The following PRKCQ variants were observed in gnomAD, a reference collection of about 807,000 sequenced individuals.
PRKCQ encodes protein kinase C theta.
A neutral mutation model predicts 91.2 loss-of-function variants in PRKCQ; 41 were observed. That is an observed-to-expected ratio of 0.45 (90% CI 0.35 to 0.58). PRKCQ has a LOEUF of 0.58. Among genes scored for constraint, PRKCQ ranks in the 20% least tolerant of loss-of-function variants. PRKCQ has a pLI of 0.00. For synonymous variants in PRKCQ, 307 were observed against 316.9 expected, an observed-to-expected ratio of 0.97 and a Z score of 0.33; for missense variants, 673 against 896.5, an observed-to-expected ratio of 0.75 and a Z score of 3.18.
intron 1 of PRKCQ, among the ~76,000 whole-genome samples, chr10:6,549,624 CTTT>C (rs753280727): frequency 1.7e-4 from 21 of 124,376 alleles, no homozygotes; most frequent in South Asian, 2.7e-4. Context: ...TAAAATTCAT[CTTT>C]TTTTTTTTTT....
At chr10:6,527,444 G>T (rs952314189) in intron 1 of PRKCQ, among the ~76,000 whole-genome samples, 1 of 152,114 alleles carries the variant, frequency 6.6e-6, no homozygotes, top group East Asian at 1.9e-4. Flanking sequence ...TTATGAGAAG[G>T]CTCATATTTT....
Position 6,465,600 on chromosome 10 carries a change from A to AC in PRKCQ, c.1354-1197_1354-1196insG, listed in dbSNP as rs1835609716. ...GCGTCTGGGCATGAATTTGCATCTG[A>AC]AAGTCTCACCTGGGTGGTTTCTTAA... is the stretch of plus-strand genomic sequence containing the variant. On this transcript the variant is annotated intron_variant, in intron 12 of 17. Transcript: ENST00000263125. This position sits in a 1 kb window ranked among gnomAD's most constrained non-coding sequence, Gnocchi z 4.4. Among the ~76,000 whole-genome samples the AC allele has an allele frequency of 6.6e-6, 1 of 152,262 alleles. No homozygotes were observed. Among genetic ancestry groups the AC allele is most frequent in the African/African-American group, 2.4e-5 (1 of 41,470 alleles).
intron 4 of PRKCQ, among the ~76,000 whole-genome samples, chr10:6,505,502 C>T (rs114335787): frequency 0.012 from 1,557 of 130,048 alleles, 28 homozygotes; most frequent in African/African-American, 0.039. Flanking sequence ...TCCCTCCCTC[C>T]TCCTTCCTTC....
intron 1 of PRKCQ, among the ~76,000 whole-genome samples, chr10:6,567,461 C>T (rs928253549): frequency 2.0e-5 from 3 of 152,184 alleles, no homozygotes; most frequent in Non-Finnish European, 4.4e-5. Context: ...CAGTAAGACG[C>T]GTCACCCGAA....
chr10:6,415,405 CAT>C, the PRKCQ span, among the ~76,000 whole-genome samples: 944 of 104,020 alleles, frequency 9.1e-3, 2 homozygotes, highest in African/African-American at 0.013. Flanking sequence ...CAAGAAAATA[CAT>C]ATATATATAT....
At chr10:6,428,739 G>A (rs145691495) in intron 17 of PRKCQ, among the ~76,000 whole-genome samples, 4 of 152,302 alleles carry the variant, frequency 2.6e-5, no homozygotes, top group Non-Finnish European at 5.9e-5. Flanking sequence ...AAGGGAGGGT[G>A]GTGGGGAGAG....
intron 1 of PRKCQ, among the ~76,000 whole-genome samples, chr10:6,572,707 CTTT>C (rs1841090000): frequency 1.3e-5 from 2 of 152,158 alleles, no homozygotes; most frequent in African/African-American, 2.4e-5. Context: ...GTGCATGTAT[CTTT>C]ATAACAGAAT....
At chr10:6,520,460 A>C (rs1031901739) in intron 1 of PRKCQ, among the ~76,000 whole-genome samples, 3 of 152,178 alleles carry the variant, frequency 2.0e-5, no homozygotes, top group African/African-American at 4.8e-5. Context: ...CTCCAGCCTG[A>C]ATGATCTTAG....
At chr10:6,564,079 A>G (rs975288986) in intron 1 of PRKCQ, among the ~76,000 whole-genome samples, 4 of 152,212 alleles carry the variant, frequency 2.6e-5, no homozygotes, top group African/African-American at 9.6e-5. Context: ...GAGGTGCTCA[A>G]GGACCCAAGG....
In PRKCQ at chr10:6,576,014, T is replaced by TG. The variant is rs1325597423; in HGVS notation, c.-10+4196dup. 1.3e-5 allele frequency among the ~76,000 whole-genome samples: 2 copies of TG among 152,220 alleles called. No homozygotes were observed. The highest frequency in any genetic ancestry group is 1.9e-4 in the East Asian group (1 of 5,182). ...GAGATCATGCCACTGCACTCCAGCC[T>TG]GGCGACACAGCGAGACTCCATCTCA... On this transcript the variant is annotated intron_variant, in intron 1 of 17. Transcript: ENST00000263125. This position sits in a 1 kb window ranked among gnomAD's most constrained non-coding sequence, Gnocchi z 4.2.
In PRKCQ at chr10:6,428,367, GTCAGAGTT is replaced by G; in HGVS notation, c.1966-13_1966-6del. 1 of 1,611,976 alleles carries G rather than the reference GTCAGAGTT, an allele frequency of 6.2e-7. No individual in the cohort carries two copies. The highest frequency in any genetic ancestry group is 1.1e-5 in the South Asian group (1 of 90,580). On this transcript the variant is annotated splice_polypyrimidine_tract_variant and splice_region_variant and intron_variant, in intron 17 of 17. Coordinates refer to ENST00000263125, the MANE Select transcript of PRKCQ (RefSeq NM_006257.5). ...GCTGCAGTCAAATGGTGATTTCTTA[GTCAGAGTT>G]TAAGGGAAGAAAGAAAGAGAAGAAA...
intron 7 of PRKCQ, among the ~76,000 whole-genome samples, chr10:6,494,760 A>C (rs1430823567): frequency 1.3e-5 from 2 of 152,174 alleles, no homozygotes; most frequent in Non-Finnish European, 2.9e-5. Context: ...CTCACTAGGC[A>C]ATCTCTTCAG....
intron 10 of PRKCQ, among the ~76,000 whole-genome samples, chr10:6,484,367 T>C (rs1458324456): frequency 6.6e-6 from 1 of 152,028 alleles, no homozygotes; most frequent in African/African-American, 2.4e-5. Flanking sequence ...TGAGCTGAGA[T>C]TGTGCCACTG....
intron 1 of PRKCQ, among the ~76,000 whole-genome samples, chr10:6,518,267 T>C (rs1223246811): frequency 1.3e-5 from 2 of 152,146 alleles, no homozygotes; most frequent in African/African-American, 2.4e-5. Context: ...AGAGGTAAAG[T>C]AAAAAGAATA....
At chr10:6,459,644 C>T (rs1206207232) in intron 14 of PRKCQ, among the ~76,000 whole-genome samples, 4 of 152,136 alleles carry the variant, frequency 2.6e-5, no homozygotes, top group Admixed American at 2.0e-4. Flanking sequence ...GCCCTAAATC[C>T]ATCAAGTGTT....
At chr10:6,493,140 C>T (rs890813405) in intron 7 of PRKCQ, among the ~76,000 whole-genome samples, 22 of 152,266 alleles carry the variant, frequency 1.4e-4, no homozygotes, top group Non-Finnish European at 2.6e-4. Flanking sequence ...CTGATGAAGA[C>T]GCTATGTACA....
intron 15 of PRKCQ, among the ~76,000 whole-genome samples, chr10:6,448,289 G>A (rs985717417): frequency 3.3e-5 from 5 of 152,240 alleles, no homozygotes; most frequent in African/African-American, 1.2e-4. Context: ...GAAGGGAACA[G>A]CAGGTGATTC....
At chr10:6,509,289 T>C (rs943356868) in intron 3 of PRKCQ, among the ~76,000 whole-genome samples, 1 of 152,142 alleles carries the variant, frequency 6.6e-6, no homozygotes, top group Non-Finnish European at 1.5e-5. Context: ...TGCCTATCAG[T>C]GAAGACTACT....
At chr10:6,531,693 C>A (rs776911536) in intron 1 of PRKCQ, among the ~76,000 whole-genome samples, 1 of 151,984 alleles carries the variant, frequency 6.6e-6, no homozygotes. Context: ...AGGGACCACA[C>A]GTGGCACAGG....
Sources: gnomAD v4.1 joint callset for allele counts (sites outside exome capture counted in the v4.1 genomes callset) on GRCh38, gnomAD v4.1.1 for gene constraint, Gnocchi (gnomAD v3.1) non-coding constraint, MANE v1.5 for transcripts, NCBI Gene and HGNC (gene_info 2026-07-23, HGNC 2026-07-21) for gene names.